Variants in CCT8 observed in about 807,000 individuals in gnomAD.
CCT8 encodes T-complex protein 1 subunit theta.
Under a neutral mutation model 65.7 loss-of-function variants are expected in CCT8, and 10 were observed. The observed-to-expected ratio is 0.15, with a 90% CI of 0.09 to 0.26. The LOEUF is 0.26. CCT8 is among the 10% of genes least tolerant of loss of function. The pLI, the probability that CCT8 is intolerant of heterozygous loss-of-function variation, is 1.00. For missense variants in CCT8, 568 were observed against 669.1 expected (o/e 0.85, Z 1.67); for synonymous variants, 199 against 221.8 (o/e 0.90, Z 0.92).
intron 1 of CCT8, among the ~76,000 whole-genome samples, chr21:29,072,882 A>G (rs2085697692): frequency 6.6e-6 from 1 of 152,252 alleles, no homozygotes; most frequent in Non-Finnish European, 1.5e-5. Flanking sequence ...CAGAACTCAA[A>G]GACACCACCT....
intron 6 of CCT8, among the ~76,000 whole-genome samples, chr21:29,066,298 T>C (rs889863416): frequency 2.6e-5 from 4 of 152,128 alleles, no homozygotes; most frequent in African/African-American, 9.7e-5. Context: ...CCCAGCACTT[T>C]GGGAGGCCAA....
rs532272467 is a variant in CCT8 at position 29,066,267 on chromosome 21, C to T, written c.624+449G>A. Among the ~76,000 whole-genome samples, 7 of 152,030 alleles carry T rather than the reference C, an allele frequency of 4.6e-5. No homozygotes were observed. In the East Asian group the frequency reaches 5.8e-4, roughly 13 times the overall value. ...AAAATAATGCCTCAAAGGCCAGGCA[C>T]GGTGGTTCACGCCTGTTAATCCCAG... On this transcript the variant is annotated intron_variant, in intron 6 of 14. Transcript: ENST00000286788.
chr21:29,065,046 T>G lies in CCT8; in HGVS notation c.684A>C (p.Glu228Asp), dbSNP rs2085606756. The G allele has an allele frequency of 1.2e-6, 2 of 1,613,698 alleles. No homozygotes were observed. The highest frequency in any genetic ancestry group is 2.2e-5 in the South Asian group (2 of 91,090). The change falls in exon 7 of 15, where the codon GAA becomes GAC. Residue 228 changes from glutamate (E) to aspartate (D), a missense_variant. By Grantham distance (45) the Glu-to-Asp change is conservative. Transcript: ENST00000286788. ...CATCTTTGACAGATGTTACATCACC[T>G]TCGGTTTCCTTCTTAAAAACCATGC... ...LHGMVFKKET[E>D]GDVTSVKDAK...
chr21:29,066,631 ATT>A (rs376201722), intron 6 of CCT8, 83 bp downstream of exon 6: 3,491 of 650,188 alleles, frequency 5.4e-3, no homozygotes, highest in South Asian at 0.011. Flanking sequence ...AGATGAACAC[ATT>A]TTTTTTTTTT....
Position 29,064,848 on chromosome 21 carries a change from A to G in CCT8, c.762+120T>C, listed in dbSNP as rs141604658. ...TGAAGACTATAAATCTGGCATAAAA[A>G]AATAGGTAAGATCCTGCAATGTTCA... On this transcript the variant is annotated intron_variant, in intron 7 of 14. Coordinates refer to ENST00000286788, the MANE Select transcript of CCT8 (RefSeq NM_006585.4). 1,927 of 784,606 alleles carry G rather than the reference A, an allele frequency of 2.5e-3. 25 individuals are homozygous for G. In the African/African-American group the frequency reaches 0.03, roughly 12 times the overall value. The allele number at this position is 784,606 out of a possible 1,614,324, so 48.6% of individuals were successfully genotyped here. A position where few individuals can be genotyped will look rare whatever the true frequency, so the allele number is the denominator to read the frequency against.
chr21:29,056,840 A>G (rs1006345871), intron 14 of CCT8, among the ~76,000 whole-genome samples: 6 of 152,216 alleles, frequency 3.9e-5, no homozygotes, highest in Admixed American at 2.6e-4. Context: ...GCTGAAAGTG[A>G]AAATATGTGC....
At chr21:29,067,111 A>G (rs780605170) in intron 4 of CCT8, 40 bp from the exon 5 acceptor site, 4 of 1,489,790 alleles carry the variant, frequency 2.7e-6, no homozygotes, top group Non-Finnish European at 3.6e-6. Flanking sequence ...ACATGACTTA[A>G]AGTAGCTTAT....
Position 29,056,435 on chromosome 21 carries a change from A to G in CCT8, c.*40T>C, listed in dbSNP as rs901859649. ...CATCAGGTGATTCTTGAGTACTACTACAAATACAGCCTTCACCTACAGTAA... is the reference window on the plus strand; with the variant it reads ...CATCAGGTGATTCTTGAGTACTACTGCAAATACAGCCTTCACCTACAGTAA... On this transcript the variant is annotated 3_prime_UTR_variant, in exon 15 of 15. Coordinates refer to ENST00000286788, the MANE Select transcript of CCT8 (RefSeq NM_006585.4). 18 of 1,163,216 alleles carry G rather than the reference A, an allele frequency of 1.5e-5. No individual in the cohort carries two copies. The highest frequency in any genetic ancestry group is 2.0e-5 in the Non-Finnish European group (17 of 834,316). 72.1% of individuals were successfully genotyped at this position (1,163,216 alleles called of 1,614,324 possible).
At chr21:29,062,837 G>A in intron 8 of CCT8, 1 of 452,926 alleles carries the variant, frequency 2.2e-6, no homozygotes, top group Non-Finnish European at 3.9e-6. Flanking sequence ...GGATGTCAGT[G>A]GTTTATAGTT....
chr21:29,067,483 T>C, intron 4 of CCT8, 73 bp downstream of exon 4: 2 of 1,221,186 alleles, frequency 1.6e-6, no homozygotes, highest in Non-Finnish European at 1.1e-6. Context: ...TAATAATGAT[T>C]TTAGTTTATG....
chr21:29,070,267 C>G lies in CCT8; in HGVS notation c.131G>C (p.Arg44Pro). ...QACKELAQTT[R>P]TAYGPNGMNK... Reference sequence around the variant, plus strand: ...ATTACCATTTGGTCCATATGCTGTACGAGTGGTTTGGGCAAGCTCCTTGCA... The same window carrying G: ...ATTACCATTTGGTCCATATGCTGTAGGAGTGGTTTGGGCAAGCTCCTTGCA... Residue 44 changes from arginine to proline, a missense_variant, in exon 2 of 15, where the codon CGT (arginine) becomes CCT (proline). Physicochemically the swap from Arg to Pro is moderately radical, Grantham distance 103. Transcript: ENST00000286788. 6.2e-7 allele frequency: 1 copy of G among 1,606,318 alleles called. No individual in the cohort carries two copies. Among genetic ancestry groups the G allele is most frequent in the Non-Finnish European group, 8.5e-7 (1 of 1,173,606 alleles).
chr21:29,061,451 T>C, intron 12 of CCT8, 34 bp from the exon 13 acceptor site: 1 of 1,613,792 alleles, frequency 6.2e-7, no homozygotes, highest in Non-Finnish European at 8.5e-7. Context: ...CTGTCTTTTA[T>C]TCAAGCAATG....
intron 3 of CCT8, among the ~76,000 whole-genome samples, chr21:29,068,587 G>A (rs1285135777): frequency 6.6e-6 from 1 of 152,076 alleles, no homozygotes; most frequent in African/African-American, 2.4e-5. Context: ...AGCCTACTGA[G>A]TAGCTGGAAC....
chr21:29,072,612 C>T (rs916696698), intron 1 of CCT8, among the ~76,000 whole-genome samples: 2 of 152,210 alleles, frequency 1.3e-5, no homozygotes, highest in Non-Finnish European at 2.9e-5. Context: ...ATCCTACAAA[C>T]ATGAACCTAG....
chr21:29,062,002 G>T, intron 11 of CCT8, 126 bp downstream of exon 11: 1 of 662,072 alleles, frequency 1.5e-6, no homozygotes, highest in Admixed American at 2.8e-5. Flanking sequence ...AAAAACAGGT[G>T]CTTCATTTCA....
intron 6 of CCT8, 30 bp from the exon 7 acceptor site, chr21:29,065,135 A>C: frequency 6.2e-7 from 1 of 1,606,414 alleles, no homozygotes; most frequent in Non-Finnish European, 8.5e-7. Context: ...ACTCATCAGC[A>C]ATCTCCTGAA....
chr21:29,066,744 A>G lies in CCT8; in HGVS notation c.596T>C (p.Val199Ala). The G allele has an allele frequency of 6.2e-7, 1 of 1,610,026 alleles. No homozygotes were observed. Among genetic ancestry groups the G allele is most frequent in the Non-Finnish European group, 8.5e-7 (1 of 1,177,830 alleles). Residue 199 changes from valine (V) to alanine (A), a missense_variant, in exon 6 of 15, where the codon GTT becomes GCT. Transcript: ENST00000286788. ...AATTTTACAAACTCTGATGTTATCA[A>G]CATTGAAATGGCCGGAATCAGGAAA... ...SIFPDSGHFNVDNIRVCKILG... is the reference protein window; with the variant it reads ...SIFPDSGHFNADNIRVCKILG...
In CCT8 at chr21:29,073,216, G is replaced by T. The variant is rs949675032; in HGVS notation, c.60+315C>A. The T allele has an allele frequency of 3.4e-6, 4 of 1,193,820 alleles. No homozygotes were observed. In the African/African-American group the frequency reaches 4.6e-5, roughly 14 times the overall value. The allele number at this position is 1,193,820 out of a possible 1,614,324, so 74.0% of individuals were successfully genotyped here. ...TTTCACCCTCACAACCTCCTTTAAGGGTGACGGGCCTTAGCCCCATTTACG... is the reference window on the plus strand; with the variant it reads ...TTTCACCCTCACAACCTCCTTTAAGTGTGACGGGCCTTAGCCCCATTTACG... On this transcript the variant is annotated intron_variant, in intron 1 of 14. Coordinates refer to ENST00000286788, the MANE Select transcript of CCT8 (RefSeq NM_006585.4).
Position 29,056,385 on chromosome 21 carries a change from T to A in CCT8, c.*90A>T. 1.6e-6 allele frequency: 1 copy of A among 633,546 alleles called. No individual in the cohort carries two copies. 39.2% of individuals were successfully genotyped at this position (633,546 alleles called of 1,614,324 possible). A position where few individuals can be genotyped will look rare whatever the true frequency, so the allele number is the denominator to read the frequency against. On this transcript the variant is annotated 3_prime_UTR_variant, in exon 15 of 15. Coordinates refer to ENST00000286788, the MANE Select transcript of CCT8 (RefSeq NM_006585.4). ...GCCAAGAATACAAACACAAAATAAC[T>A]CTTAATTTAAGGAGAATAAGAAAAC... is the stretch of plus-strand genomic sequence containing the variant.
Sources: allele counts gnomAD v4.1 joint callset (sites outside exome capture counted in the v4.1 genomes callset), GRCh38; gene constraint gnomAD v4.1.1; transcripts MANE v1.5; gene names NCBI Gene and HGNC (gene_info 2026-07-23, HGNC 2026-07-21).